EYS: variants seen among roughly 807,000 people sequenced by gnomAD.
The protein encoded by EYS is protein eyes shut homolog.
EYS carries 250 observed loss-of-function variants against 282.1 expected under a neutral mutation model. The observed-to-expected ratio is 0.89, with a 90% CI of 0.80 to 0.98. The LOEUF is 0.98. Among genes scored for constraint, EYS ranks in the 50% least tolerant of loss-of-function variants. The pLI, the probability that EYS is intolerant of heterozygous loss-of-function variation, is 0.00. For synonymous variants in EYS, 1,355 were observed against 1,282.9 expected (o/e 1.06, Z -1.20); for missense variants, 4,016 against 3,709.0 (o/e 1.08, Z -2.15).
At chr6:65,293,471 A>G (rs975572365) in intron 12 of EYS, among the ~76,000 whole-genome samples, 2 of 151,852 alleles carry the variant, frequency 1.3e-5, no homozygotes, top group Non-Finnish European at 2.9e-5. Flanking sequence ...AAATGAATGT[A>G]TCAGCTTCTT....
chr6:64,781,195 A>C (rs1393740528), intron 22 of EYS, among the ~76,000 whole-genome samples: 3 of 152,198 alleles, frequency 2.0e-5, no homozygotes, highest in Non-Finnish European at 4.4e-5. Flanking sequence ...TTTCAGGTAA[A>C]TAATGAACAT....
intron 5 of EYS, among the ~76,000 whole-genome samples, chr6:65,450,224 T>A (rs1764352513): frequency 6.6e-6 from 1 of 152,154 alleles, no homozygotes; most frequent in African/African-American, 2.4e-5. Context: ...AACACAGTTA[T>A]CACAGATTTT....
intron 5 of EYS, among the ~76,000 whole-genome samples, chr6:65,472,927 T>G (rs1308890080): frequency 6.6e-6 from 1 of 151,932 alleles, no homozygotes; most frequent in Non-Finnish European, 1.5e-5. Flanking sequence ...CTAAGGTCCC[T>G]AGGTTATGCT....
At chr6:65,334,297 T>C (rs544281824) in intron 11 of EYS, among the ~76,000 whole-genome samples, 1 of 151,994 alleles carries the variant, frequency 6.6e-6, no homozygotes, top group East Asian at 2.0e-4. Context: ...GGTCTCACTC[T>C]GTTGCCCAGG....
intron 5 of EYS, among the ~76,000 whole-genome samples, chr6:65,441,363 C>A (rs978427919): frequency 2.6e-5 from 4 of 151,812 alleles, no homozygotes; most frequent in Non-Finnish European, 5.9e-5. Context: ...AGTTTTAGAT[C>A]TGTTCTATTT....
chr6:65,440,281 C>G (rs1169072008), intron 5 of EYS, among the ~76,000 whole-genome samples: 3 of 151,520 alleles, frequency 2.0e-5, no homozygotes, highest in African/African-American at 7.3e-5. Context: ...CCAAGATGAA[C>G]AGGAGTGAGA....
intron 1 of EYS, among the ~76,000 whole-genome samples, chr6:65,676,649 A>C (rs1768611392): frequency 1.3e-5 from 2 of 151,878 alleles, no homozygotes; most frequent in African/African-American, 4.8e-5. Flanking sequence ...AATTAATGTC[A>C]ATCTTTTTCC....
chr6:64,456,473 G>T (rs1273113917), intron 26 of EYS, among the ~76,000 whole-genome samples: 1 of 151,916 alleles, frequency 6.6e-6, no homozygotes, highest in Non-Finnish European at 1.5e-5. Context: ...ACATATATGG[G>T]ATCTTGAAGA....
intron 34 of EYS, among the ~76,000 whole-genome samples, chr6:63,987,103 A>G (rs1273974469): frequency 2.6e-5 from 4 of 151,730 alleles, no homozygotes; most frequent in South Asian, 2.1e-4. Context: ...ACGGCAAATA[A>G]GATGAATATT....
intron 12 of EYS, among the ~76,000 whole-genome samples, chr6:65,226,130 T>TA (rs1372358728): frequency 1.3e-5 from 2 of 151,998 alleles, no homozygotes; most frequent in Admixed American, 6.6e-5. Context: ...TTAAGAATAG[T>TA]AAAAAAATCT....
intron 31 of EYS, among the ~76,000 whole-genome samples, chr6:64,196,464 A>C (rs1243746953): frequency 6.6e-6 from 1 of 152,192 alleles, no homozygotes; most frequent in Non-Finnish European, 1.5e-5. Flanking sequence ...TTGTGGCACT[A>C]TTCACAATAG....
intron 1 of EYS, among the ~76,000 whole-genome samples, chr6:65,679,420 T>C (rs759019398): frequency 7.2e-5 from 11 of 152,000 alleles, no homozygotes; most frequent in Non-Finnish European, 1.5e-4. Context: ...GACATCATGC[T>C]AAGTGGAAAA....
At chr6:65,327,845 T>C (rs1582145403) in intron 11 of EYS, among the ~76,000 whole-genome samples, 1 of 151,670 alleles carries the variant, frequency 6.6e-6, no homozygotes, top group Admixed American at 6.6e-5. Flanking sequence ...TAAAGACTGA[T>C]AATAGTCATT....
intron 37 of EYS, among the ~76,000 whole-genome samples, chr6:63,801,954 A>T (rs759260094): frequency 1.3e-5 from 2 of 152,214 alleles, no homozygotes; most frequent in Non-Finnish European, 2.9e-5. Context: ...TGAGGAAGAT[A>T]AAGGCAGCAT....
At chr6:64,198,609 G>C (rs1255442464) in intron 31 of EYS, among the ~76,000 whole-genome samples, 1 of 152,070 alleles carries the variant, frequency 6.6e-6, no homozygotes, top group Non-Finnish European at 1.5e-5. Context: ...AGTTTGCTGA[G>C]AATGATGGTT....
chr6:64,442,865 T>C (rs922971853), intron 26 of EYS, among the ~76,000 whole-genome samples: 8 of 80,266 alleles, frequency 1.0e-4, no homozygotes, highest in African/African-American at 3.1e-4. Flanking sequence ...AGGGGCAATG[T>C]CCTCATGGAG....
intron 31 of EYS, among the ~76,000 whole-genome samples, chr6:64,132,848 A>T (rs1001411416): frequency 3.9e-5 from 6 of 152,030 alleles, no homozygotes; most frequent in African/African-American, 1.4e-4. Flanking sequence ...AGTAGTATAC[A>T]ATAGGCAGAA....
intron 26 of EYS, among the ~76,000 whole-genome samples, chr6:64,567,915 A>T (rs1207331232): frequency 6.6e-6 from 1 of 152,242 alleles, no homozygotes; most frequent in Non-Finnish European, 1.5e-5. Context: ...AACAGACTAG[A>T]AATGACAGTG....
chr6:65,546,570 G>A (rs1172279107), intron 2 of EYS, among the ~76,000 whole-genome samples: 1 of 65,000 alleles, frequency 1.5e-5, no homozygotes, highest in East Asian at 7.0e-4. Context: ...AATACAACTT[G>A]ATCTTTTTTT....
Sources: allele counts gnomAD v4.1 joint callset (sites outside exome capture counted in the v4.1 genomes callset), GRCh38; gene constraint gnomAD v4.1.1; transcripts MANE v1.5; gene names NCBI Gene and HGNC (gene_info 2026-07-23, HGNC 2026-07-21).